NDRG3: variants seen among roughly 807,000 people sequenced by gnomAD.
The protein encoded by NDRG3 is NDRG family member 3.
A neutral mutation model predicts 57.2 loss-of-function variants in NDRG3; 23 were observed. The observed-to-expected ratio is 0.40, with a 90% CI of 0.29 to 0.57. The LOEUF is 0.57. Ranked by LOEUF, NDRG3 falls within the 20% of genes least tolerant of loss-of-function variation. The pLI is 0.42. For missense variants in NDRG3, 384 were observed against 457.3 expected (o/e 0.84, Z 1.46); for synonymous variants, 132 against 162.6 (o/e 0.81, Z 1.43).
intron 2 of NDRG3, among the ~76,000 whole-genome samples, chr20:36,710,801 A>T (rs1197515861): frequency 1.4e-5 from 2 of 143,098 alleles, no homozygotes; most frequent in African/African-American, 5.3e-5. Flanking sequence ...CTACAGAGTG[A>T]GACTCCGTCT....
intron 1 of NDRG3, among the ~76,000 whole-genome samples, chr20:36,734,814 C>T (rs963617727): frequency 6.6e-6 from 1 of 151,838 alleles, no homozygotes; most frequent in Non-Finnish European, 1.5e-5. Context: ...GCCAAATGTC[C>T]TCTTTGGGGC....
intron 2 of NDRG3, among the ~76,000 whole-genome samples, chr20:36,707,826 G>A (rs1215054665): frequency 6.6e-6 from 1 of 152,182 alleles, no homozygotes; most frequent in Non-Finnish European, 1.5e-5. Context: ...GCTCACACCT[G>A]TAATCCCAGT....
intron 3 of NDRG3, among the ~76,000 whole-genome samples, chr20:36,703,813 T>C (rs919342268): frequency 1.3e-5 from 2 of 152,130 alleles, no homozygotes; most frequent in African/African-American, 4.8e-5. Flanking sequence ...CATGTTACTA[T>C]TTTAAAGCTT....
At chr20:36,691,833 C>A (rs1982287241) in intron 3 of NDRG3, among the ~76,000 whole-genome samples, 1 of 152,188 alleles carries the variant, frequency 6.6e-6, no homozygotes, top group Non-Finnish European at 1.5e-5. Flanking sequence ...CACTTCCCGA[C>A]CCTGGTTCAT....
intron 5 of NDRG3, among the ~76,000 whole-genome samples, chr20:36,685,806 C>T (rs1048492386): frequency 6.6e-6 from 1 of 152,102 alleles, no homozygotes; most frequent in African/African-American, 2.4e-5. Context: ...CCCAGGAGTT[C>T]GAGACCAGCC....
intron 3 of NDRG3, among the ~76,000 whole-genome samples, chr20:36,691,752 G>A (rs1156355209): frequency 1.3e-5 from 2 of 152,114 alleles, no homozygotes; most frequent in East Asian, 3.8e-4. Context: ...GGTTTGGATA[G>A]GAGGAATATA....
chr20:36,674,977 C>T (rs1193136842), intron 8 of NDRG3, among the ~76,000 whole-genome samples: 1 of 145,722 alleles, frequency 6.9e-6, no homozygotes, highest in African/African-American at 2.5e-5. Flanking sequence ...TCACTACAGC[C>T]TCGACCTGCT....
chr20:36,704,089 T>C lies in NDRG3; in HGVS notation c.93+2883A>G, dbSNP rs561653141. 6.5e-4 allele frequency among the ~76,000 whole-genome samples: 99 copies of C among 152,292 alleles called. 2 individuals carry two copies. The highest frequency in any genetic ancestry group is 1.0e-3 in the Non-Finnish European group (71 of 68,036). ...AATTTTTTCTCTTTTTTTCCTTTTT[T>C]TCTTTGAGATGGAGTCTCACTCTGT... On this transcript the variant is annotated intron_variant, in intron 3 of 15. Coordinates refer to ENST00000349004, the MANE Select transcript of NDRG3 (RefSeq NM_032013.4).
chr20:36,705,232 A>T (rs1169182141), intron 3 of NDRG3, among the ~76,000 whole-genome samples: 1 of 151,722 alleles, frequency 6.6e-6, no homozygotes, highest in Middle Eastern at 3.2e-3. Flanking sequence ...GAGGCAGGAG[A>T]ATCGCTTGAA....
rs1978411410 is a variant in NDRG3 at position 36,653,697 on chromosome 20, T to C, written c.951A>G (p.Pro317=). The part of the protein sequence containing the change: ...KYFLQGMGYI[P]SASMTRLARS... ...GGGCGAGCCGAGTCATGCTGGCAGA[T>C]GGTACTGTAACAGAGAACCAAGGGG... is the stretch of plus-strand genomic sequence containing the variant. Residue 317 remains proline, a synonymous_variant, in exon 16 of 16, where the codon CCA becomes CCG. Coordinates refer to ENST00000349004, the MANE Select transcript of NDRG3 (RefSeq NM_032013.4). The surrounding 1 kb of genome is among the most constrained non-coding windows in gnomAD (Gnocchi z 4.2). The C allele has an allele frequency of 1.2e-6, 2 of 1,613,034 alleles. No homozygotes were observed. Among genetic ancestry groups the C allele is most frequent in the South Asian group, 2.2e-5 (2 of 91,068 alleles).
intron 1 of NDRG3, among the ~76,000 whole-genome samples, chr20:36,724,655 C>T (rs1401073552): frequency 2.0e-5 from 3 of 152,200 alleles, no homozygotes; most frequent in African/African-American, 7.2e-5. Flanking sequence ...CGGCCGGGCC[C>T]GGTGGCTCGC....
In NDRG3 at chr20:36,653,538, G is replaced by C; in HGVS notation, c.1110C>G (p.Thr370=). 6.2e-7 allele frequency: 1 copy of C among 1,614,078 alleles called. No homozygotes were observed. ...ESPDVLDRHQ[T]MEVSC Reference sequence around the variant, plus strand: ...CATCTGCTTAGCAGGACACCTCCATGGTCTGGTGTCTGTCCAGGACATCAG... The same window carrying C: ...CATCTGCTTAGCAGGACACCTCCATCGTCTGGTGTCTGTCCAGGACATCAG... Residue 370 remains threonine, a synonymous_variant, in exon 16 of 16, where the codon ACC becomes ACG. Transcript: ENST00000349004. The surrounding 1 kb of genome is among the most constrained non-coding windows in gnomAD (Gnocchi z 4.2).
intron 8 of NDRG3, among the ~76,000 whole-genome samples, chr20:36,673,908 G>A (rs1262521867): frequency 6.6e-6 from 1 of 151,804 alleles, no homozygotes; most frequent in African/African-American, 2.4e-5. Context: ...TTCAAGACCA[G>A]CCTGACCAAC....
At chr20:36,708,597 G>A (rs1012990520) in intron 2 of NDRG3, among the ~76,000 whole-genome samples, 8 of 142,458 alleles carry the variant, frequency 5.6e-5, no homozygotes, top group African/African-American at 7.9e-5. Context: ...GCGGTGAGCC[G>A]ATATTGAGCC....
rs1568622567 is a variant in NDRG3, at chr20:36,660,572, T to TTTATTTATTTA, written c.811-189_811-188insTAAATAAATAA. Among the ~76,000 whole-genome samples, 261 of 147,718 alleles carry TTTATTTATTTA rather than the reference T, an allele frequency of 1.8e-3. 1 individual carries two copies. The highest frequency in any genetic ancestry group is 6.2e-3 in the African/African-American group (240 of 38,976). Reference sequence around the variant, plus strand: ...TATTTATTTATTTATTTATTTATTTTTTTTTTGAGACGGAGTCTCGCTCTG... The same window carrying TTTATTTATTTA: ...TATTTATTTATTTATTTATTTATTTTTTATTTATTTATTTTTTGAGACGGAGTCTCGCTCTG... On this transcript the variant is annotated intron_variant, in intron 12 of 15. Coordinates refer to ENST00000349004, the MANE Select transcript of NDRG3 (RefSeq NM_032013.4).
At chr20:36,694,057 A>C (rs1406349150) in intron 3 of NDRG3, among the ~76,000 whole-genome samples, 1 of 152,088 alleles carries the variant, frequency 6.6e-6, no homozygotes, top group Non-Finnish European at 1.5e-5. Flanking sequence ...AGGCAGAGAA[A>C]ATATATTTAC....
rs574785178 is a variant in NDRG3, at chr20:36,696,303, T to C, written c.94-7519A>G. 4.0e-5 allele frequency among the ~76,000 whole-genome samples: 6 copies of C among 151,284 alleles called. No homozygotes were observed. The East Asian group carries it at 1.2e-3, about 30-fold the overall frequency. Reference sequence around the variant, plus strand: ...TAGAGATGGGGTTTCACCATGTTGGTTGGGCTGGTCTCAAACTCTAACCTC... The same window carrying C: ...TAGAGATGGGGTTTCACCATGTTGGCTGGGCTGGTCTCAAACTCTAACCTC... On this transcript the variant is annotated intron_variant, in intron 3 of 15. Coordinates refer to ENST00000349004, the MANE Select transcript of NDRG3 (RefSeq NM_032013.4).
intron 6 of NDRG3, among the ~76,000 whole-genome samples, chr20:36,684,052 G>C (rs1411133769): frequency 6.6e-6 from 1 of 151,982 alleles, no homozygotes; most frequent in Non-Finnish European, 1.5e-5. Flanking sequence ...TGGAGTGCAG[G>C]GGTGGGATCA....
intron 2 of NDRG3, among the ~76,000 whole-genome samples, chr20:36,711,165 C>T (rs1244652521): frequency 1.2e-4 from 18 of 150,030 alleles, no homozygotes; most frequent in African/African-American, 3.2e-4. Flanking sequence ...GCCTGTAGTC[C>T]CAGCTACTCA....
Sources: allele counts gnomAD v4.1 joint callset (sites outside exome capture counted in the v4.1 genomes callset), GRCh38; gene constraint gnomAD v4.1.1; non-coding constraint Gnocchi (gnomAD v3.1); transcripts MANE v1.5; gene names NCBI Gene and HGNC (gene_info 2026-07-23, HGNC 2026-07-21).